The following SYNE1 variants were observed in gnomAD, a reference collection of about 807,000 sequenced individuals.
SYNE1 encodes nesprin-1.
A neutral mutation model predicts 1,111.0 loss-of-function variants in SYNE1; 616 were observed. The ratio of observed to expected loss-of-function variants is 0.55; its 90% CI spans 0.52 to 0.59. SYNE1 has a LOEUF of 0.59. SYNE1 is among the 20% of genes least tolerant of loss of function. The pLI is 0.00. For synonymous variants in SYNE1, 3,855 were observed against 3,825.8 expected, an observed-to-expected ratio of 1.01 and a Z score of -0.28; for missense variants, 10,006 against 10,417.0, an observed-to-expected ratio of 0.96 and a Z score of 1.72.
At chr6:152,579,940 G>A (rs568984837) in intron 3 of SYNE1, among the ~76,000 whole-genome samples, 16 of 152,156 alleles carry the variant, frequency 1.1e-4, no homozygotes, top group Non-Finnish European at 2.2e-4. Flanking sequence ...CCGATTCCAT[G>A]TCTTTGCGAT....
At chr6:152,539,147 T>C (rs2099257883) in intron 4 of SYNE1, among the ~76,000 whole-genome samples, 1 of 152,126 alleles carries the variant, frequency 6.6e-6, no homozygotes, top group South Asian at 2.1e-4. Flanking sequence ...ATAAAATTGT[T>C]TTATCATCTA....
chr6:152,141,504 C>A (rs866955927), intron 138 of SYNE1, among the ~76,000 whole-genome samples, 175 bp from the exon 139 acceptor site: 1 of 152,156 alleles, frequency 6.6e-6, no homozygotes, highest in Non-Finnish European at 1.5e-5. Context: ...GGCCTGTGAT[C>A]CCAGCACTTT....
At chr6:152,402,966 G>A (rs954352291) in intron 46 of SYNE1, among the ~76,000 whole-genome samples, 11 of 152,064 alleles carry the variant, frequency 7.2e-5, no homozygotes, top group Admixed American at 2.0e-4. Flanking sequence ...TACTTCACAC[G>A]AAACTTCTAG....
chr6:152,434,005 T>A, intron 33 of SYNE1, 60 bp from the exon 34 acceptor site: 1 of 1,448,406 alleles, frequency 6.9e-7, no homozygotes, highest in Non-Finnish European at 9.5e-7. Context: ...CAACAACACA[T>A]TTTCCTTGAA....
chr6:152,350,182 A>G lies in SYNE1; in HGVS notation c.11887T>C (p.Leu3963=), dbSNP rs537291011. 57 of 1,613,304 alleles carry G rather than the reference A, an allele frequency of 3.5e-5. No individual in the cohort carries two copies. The highest frequency in any genetic ancestry group is 3.2e-4 in the African/African-American group (24 of 74,884). The change falls in exon 72 of 146, where the codon TTG becomes CTG. Residue 3963 remains leucine, a synonymous_variant. Coordinates refer to ENST00000367255, the MANE Select transcript of SYNE1 (RefSeq NM_182961.4). ...TSSLETITQQ[L]AHHKAMMEEI... Reference sequence around the variant, plus strand: ...GTCAGGGGTACCTTGTGGTGGGCCAATTGCTGGGTGATTGTCTCCAGGCTG... The same window carrying G: ...GTCAGGGGTACCTTGTGGTGGGCCAGTTGCTGGGTGATTGTCTCCAGGCTG...
rs1289761599 is a variant in SYNE1, at chr6:152,281,865, G to A, written c.18323C>T (p.Thr6108Ile). The A allele has an allele frequency of 6.2e-7, 1 of 1,614,092 alleles. No homozygotes were observed. Among genetic ancestry groups the A allele is most frequent in the African/African-American group, 1.3e-5 (1 of 74,936 alleles). ...GGGCTCCTTGGGTGGACTCAGCGCA[G>A]TGTCCAGAGTGGCCTTGGTACTCAA... ...WLLSTKATLD[T>I]ALSPPKEPMD... The change falls in exon 97 of 146, where the codon ACT (threonine) becomes ATT (isoleucine). Residue 6108 changes from threonine (T) to isoleucine (I), a missense_variant. By Grantham distance (89) the Thr-to-Ile change is moderately conservative. Transcript: ENST00000367255.
chr6:152,352,006 G>C, intron 70 of SYNE1, 21 bp downstream of exon 70: 1 of 1,610,472 alleles, frequency 6.2e-7, no homozygotes, highest in Non-Finnish European at 8.5e-7. Context: ...GCATGCATCT[G>C]TCAATGAGTA....
At chr6:152,371,925 CAGGACAGGACAGGAAAGGAAAGGAA>C (rs2097196841) in intron 59 of SYNE1, among the ~76,000 whole-genome samples, 4 of 33,942 alleles carry the variant, frequency 1.2e-4, no homozygotes, top group Admixed American at 9.7e-4. Context: ...AAGGAAAGGA[CAGGACAGGACAGGAAAGGAAAGGAA>C]AGGAAAGGAA....
At chr6:152,314,689 G>T (rs1245128533) in intron 87 of SYNE1, among the ~76,000 whole-genome samples, 1 of 152,040 alleles carries the variant, frequency 6.6e-6, no homozygotes, top group Non-Finnish European at 1.5e-5. Flanking sequence ...ATAAACAAAC[G>T]CTTGTATTCC....
intron 29 of SYNE1, among the ~76,000 whole-genome samples, chr6:152,446,288 C>G (rs2098590650): frequency 6.6e-6 from 1 of 151,966 alleles, no homozygotes; most frequent in African/African-American, 2.4e-5. Flanking sequence ...AGGCAACTGG[C>G]TAAATGTGGC....
chr6:152,518,683 G>A (rs1015703786), intron 6 of SYNE1, among the ~76,000 whole-genome samples: 1 of 152,072 alleles, frequency 6.6e-6, no homozygotes, highest in African/African-American at 2.4e-5. Flanking sequence ...TAAATATATT[G>A]TAGATGAGAG....
At chr6:152,251,713 C>T (rs1449596123) in intron 104 of SYNE1, among the ~76,000 whole-genome samples, 1 of 151,886 alleles carries the variant, frequency 6.6e-6, no homozygotes. Flanking sequence ...GAGCCGAGAT[C>T]CCGCCACTGC....
intron 39 of SYNE1, among the ~76,000 whole-genome samples, chr6:152,423,750 G>C (rs2098307075): frequency 6.6e-6 from 1 of 152,176 alleles, no homozygotes; most frequent in South Asian, 2.1e-4. Flanking sequence ...GGTCTCATCT[G>C]ACACAGCTCT....
intron 64 of SYNE1, among the ~76,000 whole-genome samples, chr6:152,361,428 C>A (rs960976015): frequency 6.6e-6 from 1 of 152,140 alleles, no homozygotes; most frequent in African/African-American, 2.4e-5. Flanking sequence ...AATTAGGAGT[C>A]TGTTCCAGTT....
chr6:152,317,104 T>G (rs931423), intron 86 of SYNE1, 118 bp from the exon 87 acceptor site: 1 of 1,145,754 alleles, frequency 8.7e-7, no homozygotes, highest in South Asian at 1.3e-5. Flanking sequence ...ATAATACCTA[T>G]GATATTCAAT....
intron 2 of SYNE1, among the ~76,000 whole-genome samples, chr6:152,631,779 G>T (rs915521700): frequency 6.6e-6 from 1 of 152,114 alleles, no homozygotes; most frequent in African/African-American, 2.4e-5. Context: ...TATATCTGAG[G>T]AGTCTCAGAT....
At position 152,148,036 on chromosome 6, in the gene SYNE1, C is replaced by T. The variant is rs749217089; in HGVS notation, c.24976+9G>A. On this transcript the variant is annotated intron_variant, in intron 137 of 145. Transcript: ENST00000367255. The surrounding 1 kb of genome is among the most constrained non-coding windows in gnomAD (Gnocchi z 4.1). ...TTTAAGCTGGCAAACTGGAGAGGCT[C>T]TTTCCTACCTGATAAGCCAACAGCT... The T allele has an allele frequency of 3.1e-6, 5 of 1,612,948 alleles. No homozygotes were observed. The South Asian group carries it at 4.4e-5, about 14-fold the overall frequency.
intron 3 of SYNE1, among the ~76,000 whole-genome samples, chr6:152,626,514 G>A (rs939076388): frequency 6.6e-6 from 1 of 152,056 alleles, no homozygotes; most frequent in Non-Finnish European, 1.5e-5. Context: ...CATCTACCCA[G>A]GTGAAGATGT....
At chr6:152,492,579 T>C (rs1274228101) in intron 11 of SYNE1, among the ~76,000 whole-genome samples, 1 of 152,126 alleles carries the variant, frequency 6.6e-6, no homozygotes, top group Non-Finnish European at 1.5e-5. Flanking sequence ...CCACTGGAAA[T>C]AGGACTGTCC....
Sources: allele counts gnomAD v4.1 joint callset (sites outside exome capture counted in the v4.1 genomes callset), GRCh38; gene constraint gnomAD v4.1.1; non-coding constraint Gnocchi (gnomAD v3.1); transcripts MANE v1.5; gene names NCBI Gene and HGNC (gene_info 2026-07-23, HGNC 2026-07-21).